The following PFKM variants were observed in gnomAD, a reference collection of about 807,000 sequenced individuals.
The protein encoded by PFKM is phosphofructokinase, muscle.
A neutral mutation model predicts 95.5 loss-of-function variants in PFKM; 58 were observed. That is an observed-to-expected ratio of 0.61 (90% CI 0.49 to 0.76). PFKM has a LOEUF of 0.76. PFKM is among the 30% of genes least tolerant of loss of function. The pLI is 0.00. For missense variants in PFKM, 678 were observed against 1,005.4 expected, an observed-to-expected ratio of 0.67 and a Z score of 4.40; for synonymous variants, 336 against 357.2, an observed-to-expected ratio of 0.94 and a Z score of 0.67.
intron 1 of PFKM, chr12:48,106,344 G>T: frequency 1.9e-6 from 1 of 538,280 alleles, no homozygotes; most frequent in South Asian, 2.3e-5. Flanking sequence ...GCTTTTCTCT[G>T]TTCCCTCTGC....
intron 10 of PFKM, among the ~76,000 whole-genome samples, chr12:48,136,827 C>T (rs1950144887): frequency 6.6e-6 from 1 of 151,128 alleles, no homozygotes; most frequent in East Asian, 1.9e-4. Context: ...GGTCTCAGCT[C>T]ACTGCAACCT....
chr12:48,145,940 T>C lies in PFKM; in HGVS notation c.*232T>C. ...CCCAGCTTTATCTGTCACACAAGGC[T>C]GGGCACCTCTAGTGCTACTGCTAGA... is the stretch of plus-strand genomic sequence containing the variant. On this transcript the variant is annotated 3_prime_UTR_variant, in exon 23 of 23. Transcript: ENST00000359794. This position sits in a 1 kb window ranked among gnomAD's most constrained non-coding sequence, Gnocchi z 4.3. 1 of 566,928 alleles carries C rather than the reference T, an allele frequency of 1.8e-6. No individual in the cohort carries two copies. The highest frequency in any genetic ancestry group is 3.2e-6 in the Non-Finnish European group (1 of 316,304). The allele number at this position is 566,928 out of a possible 1,614,324, so 35.1% of individuals were successfully genotyped here.
intron 3 of PFKM, among the ~76,000 whole-genome samples, chr12:48,114,325 G>A (rs1050792393): frequency 3.9e-5 from 6 of 152,152 alleles, no homozygotes; most frequent in Admixed American, 2.0e-4. Flanking sequence ...TGGCTGATTC[G>A]GGAAAGGTCT....
rs1302401897 is a variant in PFKM, at chr12:48,145,716, T to C, written c.*8T>C. The C allele has an allele frequency of 9.9e-6, 16 of 1,613,826 alleles. No individual in the cohort carries two copies. The highest frequency in any genetic ancestry group is 1.4e-5 in the Non-Finnish European group (16 of 1,179,816). On this transcript the variant is annotated 3_prime_UTR_variant, in exon 23 of 23. Coordinates refer to ENST00000359794, the MANE Select transcript of PFKM (RefSeq NM_000289.6). The surrounding 1 kb of genome is among the most constrained non-coding windows in gnomAD (Gnocchi z 4.3). ...GGGGAAGCTGCCGTCTAAACCTCTC[T>C]GGAGTGAGGGGAATAGATTACCTGA...
Position 48,134,241 on chromosome 12 carries a change from G to T in PFKM, c.603G>T (p.Arg201Ser). ...AITTTAQSHQ[R>S]TFVLEVMGRH... is the part of the protein sequence containing the mutation. ...TGTCTATCTCTTGCAGCCACCAGAG[G>T]ACATTTGTGTTAGAAGTAATGGGCC... Residue 201 changes from arginine to serine, a missense_variant, in exon 7 of 23, where the codon AGG becomes AGT. By Grantham distance (110) the Arg-to-Ser change is moderately radical. Coordinates refer to ENST00000359794, the MANE Select transcript of PFKM (RefSeq NM_000289.6). 1 of 1,613,982 alleles carries T rather than the reference G, an allele frequency of 6.2e-7. No individual in the cohort carries two copies.
At chr12:48,106,132 C>G in exon 1 of PFKM, 5 of 702,502 alleles carry the variant, frequency 7.1e-6, no homozygotes, top group Non-Finnish European at 1.3e-5. Flanking sequence ...CCGGAAGAGT[C>G]GCTAGGTGGC....
At chr12:48,112,160 T>G (rs1196915702) in intron 3 of PFKM, among the ~76,000 whole-genome samples, 1 of 151,804 alleles carries the variant, frequency 6.6e-6, no homozygotes, top group East Asian at 1.9e-4. Context: ...TAGGGAGAGC[T>G]AGTGTGGGGG....
intron 13 of PFKM, among the ~76,000 whole-genome samples, 194 bp downstream of exon 13, chr12:48,140,106 G>T (rs1483872714): frequency 6.6e-6 from 1 of 152,142 alleles, no homozygotes; most frequent in Non-Finnish European, 1.5e-5. Context: ...CCCCTTCTTA[G>T]TGTACCCTGG....
chr12:48,141,741 A>T lies in PFKM; in HGVS notation c.1414A>T (p.Thr472Ser), dbSNP rs202129930. 57 of 1,607,728 alleles carry T rather than the reference A, an allele frequency of 3.5e-5. No homozygotes were observed. The highest frequency in any genetic ancestry group is 3.4e-6 in the Non-Finnish European group (4 of 1,174,338). ...QGGSKLGTKR[T>S]LPKKSFEQIS... The stretch of plus-strand genomic sequence containing the variant: ...TCCCCGCCATCACTGATCAACTAGG[A>T]CTCTACCCAAGAAGAGCTTTGAACA... The change falls in exon 16 of 23, where the codon ACT (threonine) becomes TCT (serine). Residue 472 changes from threonine (T) to serine (S), a missense_variant and splice_region_variant. Physicochemically the swap from Thr to Ser is moderately conservative, Grantham distance 58. Coordinates refer to ENST00000359794, the MANE Select transcript of PFKM (RefSeq NM_000289.6).
intron 4 of PFKM, chr12:48,132,124 G>T: frequency 2.2e-6 from 1 of 454,414 alleles, no homozygotes; most frequent in African/African-American, 2.0e-5. Context: ...GTCTGAGAAT[G>T]AGCCAGAATT....
At chr12:48,142,639 A>T in intron 17 of PFKM, 143 bp from the exon 18 acceptor site, 1 of 809,236 alleles carries the variant, frequency 1.2e-6, no homozygotes, top group Non-Finnish European at 2.1e-6. Context: ...GTTACCCTAA[A>T]TGCAAGAACT....
At chr12:48,113,962 G>A (rs1297702182) in intron 3 of PFKM, among the ~76,000 whole-genome samples, 3 of 152,048 alleles carry the variant, frequency 2.0e-5, no homozygotes, top group African/African-American at 7.3e-5. Flanking sequence ...CTTTACCTCG[G>A]GTAGTTTCTT....
At chr12:48,142,983 C>T in intron 18 of PFKM, 37 bp downstream of exon 18, 1 of 1,592,570 alleles carries the variant, frequency 6.3e-7, no homozygotes, top group Non-Finnish European at 8.6e-7. Flanking sequence ...ATAGCTCTCC[C>T]CTGTCTCCAG....
rs73301201 is a variant in PFKM at position 48,106,621 on chromosome 12, C to T, written c.-10+484C>T. Reference sequence around the variant, plus strand: ...TGATTTCCCAAAGGTTTTAAGTGCACGGCCCATCTAGGACTAGGAAACAAG... The same window carrying T: ...TGATTTCCCAAAGGTTTTAAGTGCATGGCCCATCTAGGACTAGGAAACAAG... On this transcript the variant is annotated intron_variant, in intron 1 of 24. Transcript: ENST00000340802. 1,106 of 167,230 alleles carry T rather than the reference C, an allele frequency of 6.6e-3. 19 individuals carry two copies. Among genetic ancestry groups the T allele is most frequent in the African/African-American group, 0.025 (1,046 of 41,608 alleles). The allele number at this position is 167,230 out of a possible 1,614,324, so 10.4% of individuals were successfully genotyped here.
chr12:48,119,190 A>G (rs1486538336), upstream of PFKM: 2 of 720,994 alleles, frequency 2.8e-6, no homozygotes, highest in Non-Finnish European at 3.4e-6. Context: ...ATCTGAGCTG[A>G]GTACTTAGGG....
Position 48,145,369 on chromosome 12 carries a change from A to T in PFKM, c.2198+54A>T. The T allele has an allele frequency of 6.9e-7, 1 of 1,442,968 alleles. No homozygotes were observed. Among genetic ancestry groups the T allele is most frequent in the Non-Finnish European group, 9.8e-7 (1 of 1,025,532 alleles). The allele number at this position is 1,442,968 out of a possible 1,614,324, so 89.4% of individuals were successfully genotyped here. Reference sequence around the variant, plus strand: ...CTTTTCCCTGGTAGTTTCAAGCTCTACTGTCCTCAACCTGTTCACTGTCTT... The same window carrying T: ...CTTTTCCCTGGTAGTTTCAAGCTCTTCTGTCCTCAACCTGTTCACTGTCTT... On this transcript the variant is annotated intron_variant, in intron 22 of 22. Coordinates refer to ENST00000359794, the MANE Select transcript of PFKM (RefSeq NM_000289.6). This position sits in a 1 kb window ranked among gnomAD's most constrained non-coding sequence, Gnocchi z 4.3.
At chr12:48,119,428 A>G (rs1947963398) in intron 1 of PFKM, 22 bp downstream of exon 1, 1 of 985,664 alleles carries the variant, frequency 1.0e-6, no homozygotes, top group Non-Finnish European at 1.2e-6. Flanking sequence ...CATTGAGTGA[A>G]GAGCAAGGGG....
At chr12:48,117,645 C>T (rs1039265684), upstream of PFKM, among the ~76,000 whole-genome samples, 2 of 152,054 alleles carry the variant, frequency 1.3e-5, no homozygotes, top group Admixed American at 6.5e-5. Context: ...ACTCTTTTGC[C>T]CATTTTTAAA....
Position 48,141,894 on chromosome 12 carries a change from T to C in PFKM, c.1501-20T>C. The C allele has an allele frequency of 6.2e-7, 1 of 1,614,084 alleles. No homozygotes were observed. The highest frequency in any genetic ancestry group is 8.5e-7 in the Non-Finnish European group (1 of 1,179,978). On this transcript the variant is annotated intron_variant, in intron 16 of 22. Transcript: ENST00000359794. ...CCTCTCCCTCTCCCCAATCCTGCCC[T>C]TGTGCTCTCTTCTTCTTAGGCTTAC... is the stretch of plus-strand genomic sequence containing the variant.
Sources: allele counts gnomAD v4.1 joint callset (sites outside exome capture counted in the v4.1 genomes callset), GRCh38; gene constraint gnomAD v4.1.1; non-coding constraint Gnocchi (gnomAD v3.1); transcripts MANE v1.5; gene names NCBI Gene and HGNC (gene_info 2026-07-23, HGNC 2026-07-21).